COL4A5: variants seen among roughly 807,000 people sequenced by gnomAD.
COL4A5 encodes collagen alpha-5(IV) chain.
Under a neutral mutation model 130.2 loss-of-function variants are expected in COL4A5, and 26 were observed. That is an observed-to-expected ratio of 0.20 (90% CI 0.15 to 0.28). The LOEUF is 0.28. Ranked by LOEUF, COL4A5 falls within the 10% of genes least tolerant of loss-of-function variation. The pLI is 1.00. For synonymous variants in COL4A5, 496 were observed against 439.6 expected, an observed-to-expected ratio of 1.13 and a Z score of -1.60; for missense variants, 1,131 against 1,344.3, an observed-to-expected ratio of 0.84 and a Z score of 2.48.
intron 33 of COL4A5, 68 bp from the exon 34 acceptor site, chrX:108,624,168 C>A: frequency 1.1e-6 from 1 of 930,559 alleles, no homozygotes; most frequent in East Asian, 3.1e-5. Context: ...GAGTAGCTTG[C>A]TTTGCCAAAG....
chrX:108,559,563 C>A (rs758018844), intron 3 of COL4A5, among the ~76,000 whole-genome samples: 41 of 111,461 alleles, frequency 3.7e-4, no homozygotes, highest in South Asian at 1.1e-3. Flanking sequence ...GCTGACTCCC[C>A]CACTGTTCTA....
intron 9 of COL4A5, 102 bp from the exon 10 acceptor site, chrX:108,575,808 G>A (rs1485405779): frequency 3.4e-6 from 2 of 585,454 alleles, no homozygotes; most frequent in Non-Finnish European, 5.7e-6. Context: ...TTGCACTCCA[G>A]CCTGGGCGAC....
intron 37 of COL4A5, among the ~76,000 whole-genome samples, chrX:108,658,790 T>C (rs769407447): frequency 1.8e-5 from 2 of 111,276 alleles, no homozygotes; most frequent in Non-Finnish European, 3.8e-5. Flanking sequence ...TAATTTTATT[T>C]CTTTATTTTG....
intron 19 of COL4A5, among the ~76,000 whole-genome samples, chrX:108,588,530 T>C (rs1186368887): frequency 9.1e-6 from 1 of 109,781 alleles, no homozygotes; most frequent in Non-Finnish European, 1.9e-5. Context: ...AAGATAAACC[T>C]AGAAGCTCCA....
At chrX:108,619,833 T>C (rs2067003515) in intron 30 of COL4A5, among the ~76,000 whole-genome samples, 1 of 112,240 alleles carries the variant, frequency 8.9e-6, no homozygotes, top group African/African-American at 3.2e-5. Flanking sequence ...CAGTCTGCAA[T>C]AGGATTAATA....
At chrX:108,493,807 GAAA>G (rs5903326) in intron 1 of COL4A5, among the ~76,000 whole-genome samples, 1 of 86,721 alleles carries the variant, frequency 1.2e-5, no homozygotes, top group Non-Finnish European at 2.3e-5. Flanking sequence ...AATCTAAAAA[GAAA>G]AAAAAAAAAA....
At chrX:108,519,897 C>T (rs890720647) in intron 1 of COL4A5, among the ~76,000 whole-genome samples, 1 of 111,239 alleles carries the variant, frequency 9.0e-6, no homozygotes, top group East Asian at 2.8e-4. Context: ...GGTTTCATAT[C>T]CAGCAACTTT....
chrX:108,665,719 T>G, intron 38 of COL4A5, 132 bp downstream of exon 38: 1 of 500,370 alleles, frequency 2.0e-6, no homozygotes, highest in Non-Finnish European at 3.5e-6. Flanking sequence ...CACTTAACAC[T>G]GCATGTGAGG....
At chrX:108,628,703 C>G (rs1328951426) in intron 36 of COL4A5, among the ~76,000 whole-genome samples, 1 of 111,480 alleles carries the variant, frequency 9.0e-6, no homozygotes, top group East Asian at 2.8e-4. Flanking sequence ...AGTTGTTTGT[C>G]TTATAGCATG....
At chrX:108,584,712 T>G (rs1311669061) in intron 18 of COL4A5, among the ~76,000 whole-genome samples, 187 bp downstream of exon 18, 1 of 111,444 alleles carries the variant, frequency 9.0e-6, no homozygotes, top group African/African-American at 3.3e-5. Context: ...GTCTTTGTAT[T>G]GTTCTGCCTA....
chrX:108,655,838 G>A lies in COL4A5; in HGVS notation c.3373+381G>A, dbSNP rs763233795. 2.5e-3 allele frequency among the ~76,000 whole-genome samples: 280 copies of A among 112,536 alleles called. 2 individuals carry two copies. Among genetic ancestry groups the A allele is most frequent in the African/African-American group, 8.1e-3 (250 of 31,044 alleles). On this transcript the variant is annotated intron_variant, in intron 37 of 52. Transcript: ENST00000328300. ...TATGCCCAGGCACACCGCTGGTAGC[G>A]GTTGGTAGAACAATCATACAGTTCC...
intron 2 of COL4A5, among the ~76,000 whole-genome samples, chrX:108,546,408 C>A (rs1483882692): frequency 2.7e-5 from 3 of 111,868 alleles, no homozygotes; most frequent in African/African-American, 9.8e-5. Context: ...GTTGAAAATT[C>A]TTTTCTTTAA....
chrX:108,521,740 T>G (rs2065267441), intron 1 of COL4A5, among the ~76,000 whole-genome samples: 1 of 111,836 alleles, frequency 8.9e-6, no homozygotes, highest in Non-Finnish European at 1.9e-5. Flanking sequence ...AAAGTCTTAG[T>G]CCCTTCACGG....
intron 1 of COL4A5, chrX:108,440,511 A>G: frequency 3.5e-6 from 1 of 289,482 alleles, no homozygotes. Flanking sequence ...TGTGGTGGGT[A>G]TTTAAAACTT....
At chrX:108,649,492 C>A (rs980859164) in intron 36 of COL4A5, among the ~76,000 whole-genome samples, 1 of 112,017 alleles carries the variant, frequency 8.9e-6, no homozygotes, top group African/African-American at 3.2e-5. Context: ...CATCACACTA[C>A]CTGAGTTCAA....
chrX:108,580,337 G>A (rs914457604), intron 13 of COL4A5, among the ~76,000 whole-genome samples, 196 bp from the exon 14 acceptor site: 1 of 111,713 alleles, frequency 9.0e-6, no homozygotes, highest in African/African-American at 3.3e-5. Flanking sequence ...TTATAAGTGA[G>A]AACATGTGGT....
chrX:108,522,585 T>C (rs375619867), intron 1 of COL4A5, among the ~76,000 whole-genome samples: 3 of 107,005 alleles, frequency 2.8e-5, no homozygotes, highest in East Asian at 5.8e-4. Flanking sequence ...AAAAGATATA[T>C]ATATATTTTG....
chrX:108,674,777 C>G (rs866695892), intron 43 of COL4A5, 24 bp downstream of exon 43: 7 of 980,994 alleles, frequency 7.1e-6, no homozygotes, highest in Non-Finnish European at 9.3e-6. Flanking sequence ...CTGGTCAATT[C>G]TTTTTTTTTT....
rs756062556 is a variant in COL4A5 at position 108,539,942 on chromosome X, G to A, written c.141+137G>A. 9.5e-6 allele frequency: 5 copies of A among 528,386 alleles called. No individual in the cohort carries two copies. In the East Asian group the frequency reaches 1.8e-4, roughly 19 times the overall value. The allele number at this position is 528,386 out of a possible 1,213,427, so 43.5% of individuals were successfully genotyped here. A position where few individuals can be genotyped will look rare whatever the true frequency, so the allele number is the denominator to read the frequency against. The stretch of plus-strand genomic sequence containing the variant: ...GAATCCTATTGCATTGCTTATTTTA[G>A]AGAGCTTATAAGGATTAGATTATAT... On this transcript the variant is annotated intron_variant, in intron 2 of 52. Coordinates refer to ENST00000328300, the MANE Select transcript of COL4A5 (RefSeq NM_033380.3).
Sources: gnomAD v4.1 joint callset for allele counts (sites outside exome capture counted in the v4.1 genomes callset) on GRCh38, gnomAD v4.1.1 for gene constraint, MANE v1.5 for transcripts, NCBI Gene and HGNC (gene_info 2026-07-23, HGNC 2026-07-21) for gene names.